WHAMM: variants seen among roughly 807,000 people sequenced by gnomAD.
WHAMM encodes WASP homolog associated with actin, golgi membranes and microtubules, also known as WASP homolog-associated protein with actin, membranes and microtubules.
Under a neutral mutation model 76.5 loss-of-function variants are expected in WHAMM, and 67 were observed. That is an observed-to-expected ratio of 0.88 (90% CI 0.72 to 1.07). The LOEUF (loss-of-function observed/expected upper bound fraction) is 1.07. Among genes scored for constraint, WHAMM ranks in the 50% least tolerant of loss-of-function variants. The pLI is 0.00. For synonymous variants in WHAMM, 419 were observed against 422.1 expected (o/e 0.99, Z 0.09); for missense variants, 1,021 against 1,051.1 (o/e 0.97, Z 0.40).
chr15:82,810,051 C>A lies in WHAMM; in HGVS notation c.325C>A (p.Pro109Thr). Residue 109 changes from proline (P) to threonine (T), a missense_variant, in exon 1 of 10, where the codon CCG (proline) becomes ACG (threonine). Around this residue, in one of 3 missense-constraint regions of WHAMM, gnomAD observed 501 missense variants for 524.9 expected, o/e 0.95. Transcript: ENST00000286760. ...TCTGGAGCGCTGCTTCCCGCGGCTG[C>A]CGCCGGAGCTGGACGTGGGCGGCGG... is the stretch of plus-strand genomic sequence containing the variant. ...PPLERCFPRL[P>T]PELDVGGGGA... is the part of the protein sequence containing the mutation. The A allele has an allele frequency of 8.2e-7, 1 of 1,217,566 alleles. No individual in the cohort carries two copies. The allele number at this position is 1,217,566 out of a possible 1,614,324, so 75.4% of individuals were successfully genotyped here.
intron 1 of WHAMM, among the ~76,000 whole-genome samples, chr15:82,812,819 AT>A (rs1405076343): frequency 2.0e-5 from 3 of 152,140 alleles, no homozygotes; most frequent in African/African-American, 7.2e-5. Flanking sequence ...GTGAGCCACC[AT>A]GCCTGGACAA....
chr15:82,828,158 C>G (rs1027040904), intron 8 of WHAMM, among the ~76,000 whole-genome samples: 1 of 152,164 alleles, frequency 6.6e-6, no homozygotes, highest in African/African-American at 2.4e-5. Context: ...TTCACATTCA[C>G]TCTCACTTAG....
At chr15:82,825,911 GTA>G (rs2050923508) in intron 6 of WHAMM, among the ~76,000 whole-genome samples, 2 of 152,166 alleles carry the variant, frequency 1.3e-5, no homozygotes, top group Admixed American at 1.3e-4. Flanking sequence ...AGTATTATCT[GTA>G]TTACTGTATT....
chr15:82,830,681 T>G lies in WHAMM; in HGVS notation c.1724T>G (p.Met575Arg). The G allele has an allele frequency of 6.2e-7, 1 of 1,614,016 alleles. No homozygotes were observed. Among genetic ancestry groups the G allele is most frequent in the Non-Finnish European group, 8.5e-7 (1 of 1,179,882 alleles). ...CTGCCAAGTGATCTTTCCCAGCAGA[T>G]GTGCTTGCCAGCTTCCCACGCGGTG... ...PNLPSDLSQQ[M>R]CLPASHAVSV... The change falls in exon 9 of 10, where the codon ATG (methionine) becomes AGG (arginine). Residue 575 changes from methionine to arginine, a missense_variant. By Grantham distance (91) the Met-to-Arg change is moderately conservative. Coordinates refer to ENST00000286760, the MANE Select transcript of WHAMM (RefSeq NM_001080435.3).
Position 82,813,179 on chromosome 15 carries a change from A to T in WHAMM, c.686A>T (p.Gln229Leu), listed in dbSNP as rs764742690. 1.9e-6 allele frequency: 3 copies of T among 1,613,168 alleles called. No homozygotes were observed. The highest frequency in any genetic ancestry group is 2.5e-6 in the Non-Finnish European group (3 of 1,179,548). ...NVYQEEDEAYQELVTVATMFF... is the reference protein window; with the variant it reads ...NVYQEEDEAYLELVTVATMFF... ...TACCAAGAGGAAGATGAAGCATACC[A>T]GGAATTGGTTACCGTGGCAACCATG... Residue 229 changes from glutamine (Q) to leucine (L), a missense_variant, in exon 2 of 10, where the codon CAG (glutamine) becomes CTG (leucine). By Grantham distance (113) the Gln-to-Leu change is moderately radical. Around this residue, in one of 3 missense-constraint regions of WHAMM, gnomAD observed 501 missense variants for 524.9 expected, o/e 0.95. Transcript: ENST00000286760.
At chr15:82,816,671 A>C (rs1432086207) in intron 2 of WHAMM, 21 bp from the exon 3 acceptor site, 1 of 1,530,060 alleles carries the variant, frequency 6.5e-7, no homozygotes, top group Non-Finnish European at 8.8e-7. Flanking sequence ...TTACTAAGAA[A>C]ATTTTCCCTT....
At chr15:82,830,533 G>C in intron 8 of WHAMM, 66 bp from the exon 9 acceptor site, 2 of 1,556,564 alleles carry the variant, frequency 1.3e-6, no homozygotes, top group Non-Finnish European at 1.7e-6. Context: ...TAGATTTCTA[G>C]AAAGTTTCAG....
rs751110556 is a variant in WHAMM, at chr15:82,809,789, C to T, written c.63C>T (p.Ala21=). ...TGCCGGTCCGGGAGGGCCTCTTCGC[C>T]GAGCCCGAGAGGCACCGGCTGCGCT... ...GWVPVREGLF[A]EPERHRLRFL... is the part of the protein sequence containing the mutation. Residue 21 remains alanine (A), a synonymous_variant, in exon 1 of 10, where the codon GCC becomes GCT. Coordinates refer to ENST00000286760, the MANE Select transcript of WHAMM (RefSeq NM_001080435.3). 1.4e-5 allele frequency: 22 copies of T among 1,600,300 alleles called. No homozygotes were observed. The South Asian group carries it at 2.2e-4, about 16-fold the overall frequency.
In WHAMM at chr15:82,835,788, GA is replaced by G. The variant is rs2151579462; in HGVS notation, c.*2253del. 1 of 152,390 alleles carries G rather than the reference GA, an allele frequency of 6.6e-6. No homozygotes were observed. Among genetic ancestry groups the G allele is most frequent in the African/African-American group, 2.4e-5 (1 of 41,586 alleles). 9.4% of individuals were successfully genotyped at this position (152,390 alleles called of 1,614,324 possible). A position where few individuals can be genotyped will look rare whatever the true frequency, so the allele number is the denominator to read the frequency against. On this transcript the variant is annotated 3_prime_UTR_variant, in exon 10 of 10. Coordinates refer to ENST00000286760, the MANE Select transcript of WHAMM (RefSeq NM_001080435.3). ...CTGGGCATCAGGTCCAGATCCCAGA[GA>G]CAGGTCCAGTGGCTGTGGCCCAGGC... is the stretch of plus-strand genomic sequence containing the variant.
chr15:82,810,238 C>T lies in WHAMM; in HGVS notation c.512C>T (p.Pro171Leu), dbSNP rs757526203. 2.9e-4 allele frequency: 407 copies of T among 1,401,150 alleles called. No individual in the cohort carries two copies. The highest frequency in any genetic ancestry group is 3.6e-4 in the Non-Finnish European group (383 of 1,078,374). The allele number at this position is 1,401,150 out of a possible 1,614,324, so 86.8% of individuals were successfully genotyped here. ...GGATVRDALF[P>L]AEGGAADCES... is the part of the protein sequence containing the mutation. ...GCCACAGTGCGCGACGCACTCTTCCCGGCTGAGGGCGGCGCGGCCGACTGC... is the reference window on the plus strand; with the variant it reads ...GCCACAGTGCGCGACGCACTCTTCCTGGCTGAGGGCGGCGCGGCCGACTGC... The change falls in exon 1 of 10, where the codon CCG (proline) becomes CTG (leucine). Residue 171 changes from proline (P) to leucine (L), a missense_variant. Coordinates refer to ENST00000286760, the MANE Select transcript of WHAMM (RefSeq NM_001080435.3).
intron 6 of WHAMM, 70 bp downstream of exon 6, chr15:82,823,357 G>T (rs2050869957): frequency 1.6e-6 from 2 of 1,254,328 alleles, no homozygotes; most frequent in South Asian, 3.6e-5. Flanking sequence ...AAGGATAAAG[G>T]TATTGAAATA....
chr15:82,832,220 A>G (rs1355821716), intron 9 of WHAMM, among the ~76,000 whole-genome samples: 2 of 152,270 alleles, frequency 1.3e-5, no homozygotes, highest in African/African-American at 4.8e-5. Flanking sequence ...ACAGGAAAGA[A>G]TAAGAAAGTG....
Position 82,833,307 on chromosome 15 carries a change from C to T in WHAMM, c.2201C>T (p.Pro734Leu), listed in dbSNP as rs772437342. The T allele has an allele frequency of 1.9e-6, 3 of 1,613,982 alleles. No homozygotes were observed. The highest frequency in any genetic ancestry group is 2.5e-6 in the Non-Finnish European group (3 of 1,179,870). ...LRKVEVPAVR[P>L]PHASINEHIL... The stretch of plus-strand genomic sequence containing the variant: ...AAGGTGGAAGTGCCGGCGGTGCGCC[C>T]TCCCCACGCCTCAATCAATGAGCAC... The change falls in exon 10 of 10, where the codon CCT becomes CTT. Residue 734 changes from proline (P) to leucine (L), a missense_variant. This residue lies in a region of WHAMM where 509 missense variants were observed against 492.3 expected (regional missense o/e 1.03). Coordinates refer to ENST00000286760, the MANE Select transcript of WHAMM (RefSeq NM_001080435.3).
Position 82,826,848 on chromosome 15 carries a change from T to C in WHAMM, c.1641+2T>C. ...CAACGATTGAGATCATTTAAAGATG[T>C]AAGTTCTATAAACAATCACCTCATC... On this transcript the variant is annotated splice_donor_variant, in intron 8 of 9. Coordinates refer to ENST00000286760, the MANE Select transcript of WHAMM (RefSeq NM_001080435.3). LOFTEE classifies it high-confidence loss of function. 1 of 1,515,694 alleles carries C rather than the reference T, an allele frequency of 6.6e-7. No homozygotes were observed. Among genetic ancestry groups the C allele is most frequent in the Non-Finnish European group, 8.9e-7 (1 of 1,129,442 alleles). The allele number at this position is 1,515,694 out of a possible 1,614,324, so 93.9% of individuals were successfully genotyped here. A position where few individuals can be genotyped will look rare whatever the true frequency, so the allele number is the denominator to read the frequency against.
At chr15:82,824,982 C>T (rs184549981) in intron 6 of WHAMM, among the ~76,000 whole-genome samples, 93 of 152,142 alleles carry the variant, frequency 6.1e-4, no homozygotes, top group Non-Finnish European at 1.1e-3. Context: ...AGTGAGACCT[C>T]ATCTCTATGG....
intron 8 of WHAMM, among the ~76,000 whole-genome samples, chr15:82,828,628 A>G (rs1048165318): frequency 1.3e-5 from 2 of 152,216 alleles, no homozygotes; most frequent in African/African-American, 2.4e-5. Context: ...GGCAATACAG[A>G]AGATTACTTT....
chr15:82,817,951 G>C lies in WHAMM; in HGVS notation c.966G>C (p.Lys322Asn). The C allele has an allele frequency of 6.5e-7, 1 of 1,545,478 alleles. No individual in the cohort carries two copies. Among genetic ancestry groups the C allele is most frequent in the Non-Finnish European group, 8.7e-7 (1 of 1,144,682 alleles). ...AGAAAGAAATGGAACAGGATGCGAA[G>C]AGATTTGGTCAGGCTGCCTGGGCCA... The part of the protein sequence containing the change: ...GMQKEMEQDA[K>N]RFGQAAWATA... The change falls in exon 4 of 10, where the codon AAG becomes AAC. Residue 322 changes from lysine to asparagine, a missense_variant. Lys to Asn is a moderately conservative substitution (Grantham distance 94). This residue lies in a region of WHAMM where 501 missense variants were observed against 524.9 expected (regional missense o/e 0.95). Coordinates refer to ENST00000286760, the MANE Select transcript of WHAMM (RefSeq NM_001080435.3).
At position 82,831,035 on chromosome 15, in the gene WHAMM, C is replaced by T; in HGVS notation, c.2078C>T (p.Pro693Leu). The change falls in exon 9 of 10, where the codon CCT becomes CTT. Residue 693 changes from proline (P) to leucine (L), a missense_variant. Physicochemically the swap from Pro to Leu is moderately conservative, Grantham distance 98. Coordinates refer to ENST00000286760, the MANE Select transcript of WHAMM (RefSeq NM_001080435.3). Reference sequence around the variant, plus strand: ...CCACGTCCTCTAGTGTGCGAATCACCTGCTGAGCGACCACGTGACTCCTTG... The same window carrying T: ...CCACGTCCTCTAGTGTGCGAATCACTTGCTGAGCGACCACGTGACTCCTTG... The part of the protein sequence containing the change: ...DQPRPLVCES[P>L]AERPRDSLES... The T allele has an allele frequency of 6.2e-7, 1 of 1,611,126 alleles. No homozygotes were observed. The highest frequency in any genetic ancestry group is 1.1e-5 in the South Asian group (1 of 91,076).
rs1220869314 is a variant in WHAMM, at chr15:82,835,472, T to G, written c.*1936T>G. 3 of 152,344 alleles carry G rather than the reference T, an allele frequency of 2.0e-5. No individual in the cohort carries two copies. Among genetic ancestry groups the G allele is most frequent in the African/African-American group, 7.2e-5 (3 of 41,466 alleles). 9.4% of individuals were successfully genotyped at this position (152,344 alleles called of 1,614,324 possible). On this transcript the variant is annotated 3_prime_UTR_variant, in exon 10 of 10. Coordinates refer to ENST00000286760, the MANE Select transcript of WHAMM (RefSeq NM_001080435.3). Reference sequence around the variant, plus strand: ...ACACAGCAGCCTGAGGGGCCTCAGTTGGCACAGCTGGGAGGGGCGTGAGTC... The same window carrying G: ...ACACAGCAGCCTGAGGGGCCTCAGTGGGCACAGCTGGGAGGGGCGTGAGTC...
Sources: allele counts gnomAD v4.1 joint callset (sites outside exome capture counted in the v4.1 genomes callset), GRCh38; gene constraint gnomAD v4.1.1; regional missense constraint gnomAD v4.1.1; transcripts MANE v1.5; gene names NCBI Gene and HGNC (gene_info 2026-07-23, HGNC 2026-07-21).